The following ADSL variants were observed in gnomAD, a reference collection of about 807,000 sequenced individuals.
ADSL encodes adenylosuccinase.
Under a neutral mutation model 62.1 loss-of-function variants are expected in ADSL, and 44 were observed. The observed-to-expected ratio is 0.71, with a 90% CI of 0.56 to 0.91. The LOEUF (loss-of-function observed/expected upper bound fraction) is 0.91. Among genes scored for constraint, ADSL ranks in the 40% least tolerant of loss-of-function variants. The pLI is 0.00. For missense variants in ADSL, 531 were observed against 627.4 expected (o/e 0.85, Z 1.64); for synonymous variants, 198 against 220.5 (o/e 0.90, Z 0.90).
Position 40,364,159 on chromosome 22 carries a change from C to G in ADSL, c.1102-117C>G. ...TCATATAGAATAAAACAACTTGTTA[C>G]TCTCCATAATGTGGTAGTTAGTGTC... is the stretch of plus-strand genomic sequence containing the variant. On this transcript the variant is annotated intron_variant, in intron 10 of 12. Coordinates refer to ENST00000623063, the MANE Select transcript of ADSL (RefSeq NM_000026.4). The G allele has an allele frequency of 3.9e-6, 3 of 770,620 alleles. No individual in the cohort carries two copies. In the South Asian group the frequency reaches 4.4e-5, roughly 11 times the overall value. The allele number at this position is 770,620 out of a possible 1,614,324, so 47.7% of individuals were successfully genotyped here.
downstream of ADSL, among the ~76,000 whole-genome samples, chr22:40,370,845 G>C (rs994583919): frequency 1.3e-5 from 2 of 152,148 alleles, no homozygotes; most frequent in Non-Finnish European, 2.9e-5. Flanking sequence ...GAGAGCCGCC[G>C]GGCCGACCTT....
At chr22:40,356,399 G>A (rs554358673) in intron 4 of ADSL, among the ~76,000 whole-genome samples, 3 of 152,032 alleles carry the variant, frequency 2.0e-5, no homozygotes, top group Non-Finnish European at 4.4e-5. Context: ...GCTGGGTGTG[G>A]TGGCAGATGC....
chr22:40,385,582 G>A (rs742140), intron 2 of ADSL, among the ~76,000 whole-genome samples: 28,341 of 152,120 alleles, frequency 0.19, 3,203 homozygotes, highest in Admixed American at 0.37. Context: ...GTTTTGACAC[G>A]GAGAATAAGG....
At chr22:40,351,337 A>AT (rs747604254) in intron 2 of ADSL, among the ~76,000 whole-genome samples, 6 of 151,612 alleles carry the variant, frequency 4.0e-5, no homozygotes, top group East Asian at 1.9e-4. Context: ...CGCCCAGCTA[A>AT]TTTTTTTTAT....
intron 6 of ADSL, 117 bp downstream of exon 6, chr22:40,359,423 ATT>A (rs376028329): frequency 1.1e-4 from 63 of 586,626 alleles, no homozygotes; most frequent in Middle Eastern, 3.3e-4. Flanking sequence ...TCTTCTACCC[ATT>A]TTTTTTTTTC....
chr22:40,374,298 T>C (rs1013984843), downstream of ADSL, among the ~76,000 whole-genome samples: 2 of 152,176 alleles, frequency 1.3e-5, no homozygotes, highest in East Asian at 3.8e-4. Flanking sequence ...GAACACTTTA[T>C]TGTGAAGATG....
Position 40,368,447 on chromosome 22 carries a change from G to A in ADSL, c.*1925G>A, listed in dbSNP as rs866071824. ...TGAGCCCAAGAGTTTAGTCCAGGCT[G>A]GGTGACAGCGAGCCCTTGTCACTTA... is the stretch of plus-strand genomic sequence containing the variant. On this transcript the variant is annotated 3_prime_UTR_variant, in exon 13 of 13. Coordinates refer to ENST00000623063, the MANE Select transcript of ADSL (RefSeq NM_000026.4). The A allele has an allele frequency of 6.6e-6, 1 of 152,064 alleles. No homozygotes were observed. The highest frequency in any genetic ancestry group is 2.4e-5 in the African/African-American group (1 of 41,406). The allele number at this position is 152,064 out of a possible 1,614,324, so 9.4% of individuals were successfully genotyped here.
intron 2 of ADSL, chr22:40,387,202 T>C (rs562736328): frequency 2.5e-6 from 1 of 398,534 alleles, no homozygotes; most frequent in African/African-American, 2.1e-5. Flanking sequence ...CACATATTAT[T>C]TTTCCTTCTT....
intron 6 of ADSL, 55 bp from the exon 7 acceptor site, chr22:40,360,347 C>T: frequency 6.9e-7 from 1 of 1,452,740 alleles, no homozygotes; most frequent in South Asian, 1.1e-5. Context: ...AGTCATGCAC[C>T]ACTGCAATGG....
rs1013207691 is a variant in ADSL at position 40,346,860 on chromosome 22, C to G, written c.153+149C>G. The G allele has an allele frequency of 8.8e-5, 74 of 842,410 alleles. No individual in the cohort carries two copies. In the East Asian group the frequency reaches 2.0e-3, roughly 23 times the overall value. 52.2% of individuals were successfully genotyped at this position (842,410 alleles called of 1,614,324 possible). A position where few individuals can be genotyped will look rare whatever the true frequency, so the allele number is the denominator to read the frequency against. ...GTTCCCTGTCCTGAGGAGCTGCGGCCCCAGGAAAGCAAGGGCAGGAGATCC... is the reference window on the plus strand; with the variant it reads ...GTTCCCTGTCCTGAGGAGCTGCGGCGCCAGGAAAGCAAGGGCAGGAGATCC... On this transcript the variant is annotated intron_variant, in intron 1 of 12. Transcript: ENST00000623063.
intron 2 of ADSL, among the ~76,000 whole-genome samples, chr22:40,380,009 C>A (rs1322207707): frequency 6.6e-6 from 1 of 152,052 alleles, no homozygotes; most frequent in African/African-American, 2.4e-5. Context: ...TCGTGCTCGG[C>A]CTGGTTTCTC....
intron 11 of ADSL, 30 bp from the exon 12 acceptor site, chr22:40,364,848 AGG>A (rs2044938117): frequency 1.2e-6 from 2 of 1,609,896 alleles, no homozygotes; most frequent in East Asian, 4.5e-5. Flanking sequence ...CCCTGTTAGT[AGG>A]GAACTGACAA....
intron 12 of ADSL, among the ~76,000 whole-genome samples, chr22:40,365,320 G>C (rs1489651648): frequency 6.6e-6 from 1 of 152,130 alleles, no homozygotes; most frequent in Non-Finnish European, 1.5e-5. Flanking sequence ...AACTGACCAA[G>C]ATACCGCTGT....
At chr22:40,385,402 G>T (rs996296100) in intron 2 of ADSL, among the ~76,000 whole-genome samples, 4 of 152,180 alleles carry the variant, frequency 2.6e-5, no homozygotes, top group South Asian at 2.1e-4. Flanking sequence ...CTAAGTATTT[G>T]CAGTGGACAC....
chr22:40,347,017 C>T (rs2044169247), intron 1 of ADSL, among the ~76,000 whole-genome samples: 1 of 152,222 alleles, frequency 6.6e-6, no homozygotes, highest in African/African-American at 2.4e-5. Context: ...CGCTGCTAAC[C>T]ACAGACACCG....
In ADSL at chr22:40,358,606, T is replaced by C. The variant is rs528576322; in HGVS notation, c.483-258T>C. Among the ~76,000 whole-genome samples the C allele has an allele frequency of 3.3e-5, 5 of 152,248 alleles. No individual in the cohort carries two copies. In the South Asian group the frequency reaches 1.0e-3, roughly 32 times the overall value. On this transcript the variant is annotated intron_variant, in intron 4 of 12. Transcript: ENST00000623063. ...CTAGAAATAATAATAATTTAAAAAT[T>C]GCCTCTTGATGAAGAAAGTACTATG... is the stretch of plus-strand genomic sequence containing the variant.
intron 3 of ADSL, chr22:40,353,381 C>T (rs1003690862): frequency 1.4e-6 from 1 of 702,546 alleles, no homozygotes; most frequent in Non-Finnish European, 2.6e-6. Context: ...CAACCTCCGC[C>T]TCCCAGGCTC....
intron 2 of ADSL, among the ~76,000 whole-genome samples, chr22:40,381,411 A>G (rs924086511): frequency 6.6e-6 from 1 of 152,180 alleles, no homozygotes; most frequent in South Asian, 2.1e-4. Context: ...GGCCTTCCAA[A>G]GTGCTGGGAT....
intron 7 of ADSL, 186 bp from the exon 8 acceptor site, chr22:40,361,087 G>C (rs2044765426): frequency 2.8e-6 from 2 of 710,450 alleles, no homozygotes; most frequent in African/African-American, 3.5e-5. Flanking sequence ...TGTCATCCCA[G>C]TCCTTCGGGA....
Sources: gnomAD v4.1 joint callset for allele counts (sites outside exome capture counted in the v4.1 genomes callset) on GRCh38, gnomAD v4.1.1 for gene constraint, MANE v1.5 for transcripts, NCBI Gene and HGNC (gene_info 2026-07-23, HGNC 2026-07-21) for gene names.